Variants in XPO1 observed in about 807,000 individuals in gnomAD.
XPO1 encodes exportin-1.
A neutral mutation model predicts 133.3 loss-of-function variants in XPO1; 5 were observed. The ratio of observed to expected loss-of-function variants is 0.04; its 90% CI spans 0.02 to 0.08. The LOEUF is 0.08. XPO1 is among the 10% of genes least tolerant of loss of function. XPO1 has a pLI of 1.00. For missense variants in XPO1, 506 were observed against 1,267.5 expected, an observed-to-expected ratio of 0.40 and a Z score of 9.12; for synonymous variants, 419 against 408.2, an observed-to-expected ratio of 1.03 and a Z score of -0.32.
At chr2:61,510,406 A>C (rs1486076360) in intron 4 of XPO1, among the ~76,000 whole-genome samples, 1 of 152,234 alleles carries the variant, frequency 6.6e-6, no homozygotes, top group African/African-American at 2.4e-5. Flanking sequence ...TGAAATATTA[A>C]TAAGAACAAT....
At chr2:61,483,171 T>C (rs1309176494) in intron 21 of XPO1, 80 bp from the exon 22 acceptor site, 1 of 1,472,678 alleles carries the variant, frequency 6.8e-7, no homozygotes, top group African/African-American at 1.4e-5. Flanking sequence ...ATCAAAGTAT[T>C]CTGAATCTAA....
In XPO1 at chr2:61,478,681, A is replaced by G. The variant is rs1037449846; in HGVS notation, c.*139T>C. The G allele has an allele frequency of 8.8e-6, 7 of 795,654 alleles. No individual in the cohort carries two copies. Among genetic ancestry groups the G allele is most frequent in the African/African-American group, 5.3e-5 (3 of 56,590 alleles). 49.3% of individuals were successfully genotyped at this position (795,654 alleles called of 1,614,324 possible). ...GGATATTTCACAGAAAATTTCTTAT[A>G]CAAAAAAACACATAAGAAAAAGGGC... is the stretch of plus-strand genomic sequence containing the variant. On this transcript the variant is annotated 3_prime_UTR_variant, in exon 25 of 25. Coordinates refer to ENST00000401558, the MANE Select transcript of XPO1 (RefSeq NM_003400.4).
At chr2:61,508,040 C>A (rs1422763278) in intron 4 of XPO1, among the ~76,000 whole-genome samples, 1 of 151,896 alleles carries the variant, frequency 6.6e-6, no homozygotes, top group African/African-American at 2.4e-5. Context: ...CTATTCTTCT[C>A]AATATAAATG....
At chr2:61,497,135 T>A (rs917993817) in intron 9 of XPO1, 128 bp from the exon 10 acceptor site, 1 of 1,172,686 alleles carries the variant, frequency 8.5e-7, no homozygotes, top group Non-Finnish European at 1.2e-6. Context: ...ACAGGCCAAG[T>A]GAATGAACAT....
At chr2:61,521,095 C>G (rs1040217595) in intron 4 of XPO1, among the ~76,000 whole-genome samples, 1 of 152,126 alleles carries the variant, frequency 6.6e-6, no homozygotes, top group Non-Finnish European at 1.5e-5. Context: ...GAAATGAGAA[C>G]CTCTTTTAGG....
chr2:61,486,317 G>A (rs1397619118), intron 19 of XPO1, among the ~76,000 whole-genome samples: 5 of 152,100 alleles, frequency 3.3e-5, no homozygotes, highest in Non-Finnish European at 7.4e-5. Flanking sequence ...GGGACTATAG[G>A]TATAGCACCA....
Position 61,498,742 on chromosome 2 carries a change from G to T in XPO1, c.690C>A (p.Leu230=). ...PLVHATLETL[L]RFLNWIPLGY... is the part of the protein sequence containing the mutation. ...CCAGGGGAATCCAGTTCAGAAATCT[G>T]AGCAATGTTTCCAAGGTTGCATGTA... The change falls in exon 9 of 25, where the codon CTC becomes CTA. Residue 230 remains leucine, a synonymous_variant. Transcript: ENST00000401558. The T allele has an allele frequency of 6.2e-7, 1 of 1,614,030 alleles. No individual in the cohort carries two copies. The highest frequency in any genetic ancestry group is 8.5e-7 in the Non-Finnish European group (1 of 1,179,980).
chr2:61,538,326 A>G lies in XPO1; in HGVS notation c.-771T>C. On this transcript the variant is annotated 5_prime_UTR_variant, in exon 1 of 25. It removes the in-frame stop codon of an upstream open reading frame in the 5' UTR. Coordinates refer to ENST00000401558, the MANE Select transcript of XPO1 (RefSeq NM_003400.4). ...GAGATTCCATCTCGGTTGAGTTTTC[A>G]GCCCATGGCGCCGCGGAGCGTTTGG... 6.3e-6 allele frequency: 1 copy of G among 157,948 alleles called. No individual in the cohort carries two copies. Among genetic ancestry groups the G allele is most frequent in the Non-Finnish European group, 1.4e-5 (1 of 71,664 alleles). 9.8% of individuals were successfully genotyped at this position (157,948 alleles called of 1,614,324 possible).
intron 2 of XPO1, among the ~76,000 whole-genome samples, chr2:61,529,681 AG>A (rs1203211685): frequency 2.0e-5 from 3 of 151,902 alleles, no homozygotes; most frequent in East Asian, 1.9e-4. Flanking sequence ...AAAAAAAAAA[AG>A]AAAGAAATTA....
chr2:61,504,347 G>A (rs1247104976), intron 4 of XPO1, among the ~76,000 whole-genome samples: 1 of 152,158 alleles, frequency 6.6e-6, no homozygotes, highest in Non-Finnish European at 1.5e-5. Context: ...GTTGCAGAAT[G>A]TTAAATTCTG....
Position 61,496,867 on chromosome 2 carries a change from G to C in XPO1, c.888+12C>G. The stretch of plus-strand genomic sequence containing the variant: ...AATTATTCAGCCAATTTTCAAGATA[G>C]TATTATATTACCTGCTTTAGTTGCA... On this transcript the variant is annotated intron_variant, in intron 10 of 24. Coordinates refer to ENST00000401558, the MANE Select transcript of XPO1 (RefSeq NM_003400.4). 6.4e-7 allele frequency: 1 copy of C among 1,569,730 alleles called. No individual in the cohort carries two copies. Among genetic ancestry groups the C allele is most frequent in the Non-Finnish European group, 8.6e-7 (1 of 1,162,498 alleles).
chr2:61,489,515 G>A (rs1031351610), intron 17 of XPO1, among the ~76,000 whole-genome samples: 10 of 151,072 alleles, frequency 6.6e-5, no homozygotes, highest in African/African-American at 2.4e-4. Flanking sequence ...GAACACAAAC[G>A]CCTTTTTGTC....
At chr2:61,500,578 C>CACAAAAAA (rs1413627119) in intron 6 of XPO1, among the ~76,000 whole-genome samples, 1 of 40,424 alleles carries the variant, frequency 2.5e-5, no homozygotes, top group African/African-American at 1.3e-4. Context: ...GACTCCATCT[C>CACAAAAAA]AAAAAAAAAA....
rs190205938 is a variant in XPO1 at position 61,484,015 on chromosome 2, G to A, written c.2599C>T (p.Pro867Ser). The change falls in exon 21 of 25, where the codon CCA (proline) becomes TCA (serine). Residue 867 changes from proline (P) to serine (S), a missense_variant. Physicochemically the swap from Pro to Ser is moderately conservative, Grantham distance 74. Around this residue, in one of 6 missense-constraint regions of XPO1, gnomAD observed 203 missense variants for 365.9 expected, o/e 0.55. Coordinates refer to ENST00000401558, the MANE Select transcript of XPO1 (RefSeq NM_003400.4). ...AAAACAAGTTTAAACTGTGTAGGTG[G>A]AATAGCAAGGAATGCTGGGAAACAA... ...SHCFPAFLAI[P>S]PTQFKLVLDS... The A allele has an allele frequency of 1.9e-6, 3 of 1,613,806 alleles. No individual in the cohort carries two copies. Among genetic ancestry groups the A allele is most frequent in the East Asian group, 4.5e-5 (2 of 44,854 alleles).
Position 61,483,151 on chromosome 2 carries a change from T to A in XPO1, c.2678-60A>T, listed in dbSNP as rs2104301314. On this transcript the variant is annotated intron_variant, in intron 21 of 24. Transcript: ENST00000401558. ...CAGACTGACAGCACTCATGATAGTA[T>A]TTAGCTCTTATCAAAGTATTCTGAA... The A allele has an allele frequency of 1.4e-5, 21 of 1,534,470 alleles. No homozygotes were observed. The South Asian group carries it at 2.5e-4, about 18-fold the overall frequency.
chr2:61,532,761 G>C (rs1182407734), intron 2 of XPO1, among the ~76,000 whole-genome samples: 1 of 151,738 alleles, frequency 6.6e-6, no homozygotes, highest in Admixed American at 6.6e-5. Flanking sequence ...TGAAAACCTG[G>C]GAGGCAGAGG....
intron 4 of XPO1, among the ~76,000 whole-genome samples, chr2:61,515,941 A>AAC (rs1248893809): frequency 8.5e-5 from 4 of 46,846 alleles, no homozygotes; most frequent in Non-Finnish European, 1.2e-4. Flanking sequence ...AAAAAACCAC[A>AAC]CACACACACA....
chr2:61,483,914 AT>A, intron 21 of XPO1, 22 bp downstream of exon 21: 1 of 1,607,656 alleles, frequency 6.2e-7, no homozygotes, highest in Non-Finnish European at 8.5e-7. Context: ...AGGCAAATGA[AT>A]AAAAGAACAT....
intron 4 of XPO1, among the ~76,000 whole-genome samples, chr2:61,519,931 T>C (rs999227622): frequency 1.3e-5 from 2 of 152,192 alleles, no homozygotes; most frequent in Admixed American, 1.3e-4. Context: ...TCTGTTCTTT[T>C]AGCTTGTGAA....
Sources: allele counts gnomAD v4.1 joint callset (sites outside exome capture counted in the v4.1 genomes callset), GRCh38; gene constraint gnomAD v4.1.1; regional missense constraint gnomAD v4.1.1; transcripts MANE v1.5; gene names NCBI Gene and HGNC (gene_info 2026-07-23, HGNC 2026-07-21).